CD163L1: variants seen among roughly 807,000 people sequenced by gnomAD.
The protein encoded by CD163L1 is scavenger receptor cysteine-rich type 1 protein M160.
CD163L1 carries 124 observed loss-of-function variants against 165.4 expected under a neutral mutation model. The ratio of observed to expected loss-of-function variants is 0.75; its 90% CI spans 0.65 to 0.87. The LOEUF is 0.87. Among genes scored for constraint, CD163L1 ranks in the 40% least tolerant of loss-of-function variants. The pLI, the probability that CD163L1 is intolerant of heterozygous loss-of-function variation, is 0.00. For synonymous variants in CD163L1, 585 were observed against 662.2 expected, an observed-to-expected ratio of 0.88 and a Z score of 1.79; for missense variants, 1,525 against 1,799.9, an observed-to-expected ratio of 0.85 and a Z score of 2.76.
In CD163L1 at chr12:7,433,519, A is replaced by T. The variant is rs1233374577; in HGVS notation, c.300T>A (p.Phe100Leu). 1 of 1,614,188 alleles carries T rather than the reference A, an allele frequency of 6.2e-7. No homozygotes were observed. Among genetic ancestry groups the T allele is most frequent in the Admixed American group, 1.7e-5 (1 of 60,018 alleles). The change falls in exon 3 of 20, where the codon TTT becomes TTA. Residue 100 changes from phenylalanine (F) to leucine (L), a missense_variant. Transcript: ENST00000313599. Reference sequence around the variant, plus strand: ...TTCCATGTCTAGTCACGGCTTGTCCAAAACGAAACATGGCGAAAGAAAATG... The same window carrying T: ...TTCCATGTCTAGTCACGGCTTGTCCTAAACGAAACATGGCGAAAGAAAATG... Reference protein sequence around the residue: ...GCPFSFAMFRFGQAVTRHGKI... With the variant: ...GCPFSFAMFRLGQAVTRHGKI...
At chr12:7,323,238 T>A in the CD163L1 span, 1 of 1,607,532 alleles carries the variant, frequency 6.2e-7, no homozygotes, top group Non-Finnish European at 8.5e-7. Flanking sequence ...CAATAGGGAA[T>A]GATTTGTGCC....
the CD163L1 span, chr12:7,327,165 C>T: frequency 7.3e-5 from 107 of 1,466,338 alleles, no homozygotes; most frequent in Non-Finnish European, 9.7e-5. Flanking sequence ...TTAGATTTTA[C>T]TGGATTTTGA....
chr12:7,410,845 A>G (rs1469044171), intron 4 of CD163L1, among the ~76,000 whole-genome samples: 1 of 148,322 alleles, frequency 6.7e-6, no homozygotes, highest in African/African-American at 2.4e-5. Context: ...AATAAAAAAT[A>G]AATATAAATA....
intron 4 of CD163L1, among the ~76,000 whole-genome samples, chr12:7,428,547 C>T (rs1948581292): frequency 6.6e-6 from 1 of 152,012 alleles, no homozygotes; most frequent in African/African-American, 2.4e-5. Flanking sequence ...TAGTATTCTC[C>T]CACTGTAAGC....
intron 8 of CD163L1, among the ~76,000 whole-genome samples, chr12:7,380,361 ACG>A (rs1947366222): frequency 1.4e-5 from 2 of 147,802 alleles, no homozygotes; most frequent in African/African-American, 5.1e-5. Flanking sequence ...ATGTGTGTAT[ACG>A]CGTATACATA....
intron 6 of CD163L1, among the ~76,000 whole-genome samples, chr12:7,399,198 CTTCT>C (rs1311177121): frequency 2.0e-5 from 3 of 148,748 alleles, no homozygotes; most frequent in South Asian, 2.2e-4. Flanking sequence ...TTTTCCTTTT[CTTCT>C]TTCTCTTTTT....
At chr12:7,380,379 A>ATGTGTGTATACGCGTATACATACATGGC (rs1947369696) in intron 8 of CD163L1, among the ~76,000 whole-genome samples, 1 of 140,540 alleles carries the variant, frequency 7.1e-6, no homozygotes. Flanking sequence ...ACATACATGT[A>ATGTGTGTATACGCGTATACATACATGGC]TGTGTGTATA....
chr12:7,373,721 T>C (rs1202058953), intron 13 of CD163L1, 81 bp from the exon 14 acceptor site: 3 of 1,211,402 alleles, frequency 2.5e-6, no homozygotes, highest in East Asian at 2.4e-5. Flanking sequence ...ATTTTTCCCA[T>C]GGAAATAATA....
At chr12:7,332,414 AT>A in the CD163L1 span, among the ~76,000 whole-genome samples, 2 of 152,332 alleles carry the variant, frequency 1.3e-5, no homozygotes, top group South Asian at 4.1e-4. Flanking sequence ...CAACATTCAA[AT>A]TCAGGAAATA....
At chr12:7,415,752 A>G (rs938019445) in intron 4 of CD163L1, among the ~76,000 whole-genome samples, 3 of 152,140 alleles carry the variant, frequency 2.0e-5, no homozygotes, top group African/African-American at 7.2e-5. Flanking sequence ...CAAAGGACAT[A>G]AACTCACCCG....
the CD163L1 span, among the ~76,000 whole-genome samples, chr12:7,325,122 A>G: frequency 1.4e-4 from 21 of 152,236 alleles, no homozygotes; most frequent in African/African-American, 4.6e-4. Context: ...TCTCTAACCA[A>G]TGTGGTTCAG....
Position 7,433,394 on chromosome 12 carries a change from T to A in CD163L1, c.425A>T (p.Asp142Val). 2 of 1,596,604 alleles carry A rather than the reference T, an allele frequency of 1.3e-6. No homozygotes were observed. Among genetic ancestry groups the A allele is most frequent in the Non-Finnish European group, 1.7e-6 (2 of 1,171,100 alleles). ...WGSHNCYHGE[D>V]VGVNCYGEAN... ...CTTACCATAACAGTTCACACCAACA[T>A]CTTCTCCATGATAACAGTTATGGCT... Residue 142 changes from aspartate (D) to valine (V), a missense_variant, in exon 3 of 20, where the codon GAT (aspartate) becomes GTT (valine). By Grantham distance (152) the Asp-to-Val change is radical. Coordinates refer to ENST00000313599, the MANE Select transcript of CD163L1 (RefSeq NM_174941.6).
rs112567336 is a variant in CD163L1 at position 7,357,444 on chromosome 12, G to A, written c.4322C>T (p.Ser1441Leu). The A allele has an allele frequency of 5.0e-6, 8 of 1,612,560 alleles. No individual in the cohort carries two copies. The highest frequency in any genetic ancestry group is 1.6e-4 in the Middle Eastern group (1 of 6,068). ...NHGCEDASDT[S>L]LLGVLPASEA... ...AGAGGCAGGAAGAACTCCCAACAGC[G>A]ATGTGTCGCTAGCATCTTCACAACC... Residue 1441 changes from serine to leucine, a missense_variant, in exon 19 of 20, where the codon TCG becomes TTG. Transcript: ENST00000313599.
chr12:7,333,786 C>G, the CD163L1 span, among the ~76,000 whole-genome samples: 12 of 151,200 alleles, frequency 7.9e-5, no homozygotes, highest in African/African-American at 2.7e-4. Flanking sequence ...AAATAGACAC[C>G]ATAAAAAATG....
rs758118003 is a variant in CD163L1, at chr12:7,372,055, AAAG to A, written c.3730+1262_3730+1264del. Among the ~76,000 whole-genome samples, 727 of 152,176 alleles carry A rather than the reference AAAG, an allele frequency of 4.8e-3. 9 individuals carry two copies. The highest frequency in any genetic ancestry group is 0.016 in the African/African-American group (685 of 41,536). ...TTTTGTGATACAATTACAATAGTAA[AAAG>A]AAGCAAAATGCTTAAAAATATGAAC... On this transcript the variant is annotated intron_variant, in intron 14 of 19. Coordinates refer to ENST00000313599, the MANE Select transcript of CD163L1 (RefSeq NM_174941.6). This position sits in a 1 kb window ranked among gnomAD's most constrained non-coding sequence, Gnocchi z 4.2.
At chr12:7,429,585 G>GT (rs1948596994) in intron 4 of CD163L1, among the ~76,000 whole-genome samples, 1 of 151,968 alleles carries the variant, frequency 6.6e-6, no homozygotes, top group Non-Finnish European at 1.5e-5. Flanking sequence ...AGAAATTTGG[G>GT]AAAAATTCTT....
chr12:7,401,253 C>T (rs972623920), intron 6 of CD163L1, among the ~76,000 whole-genome samples: 1 of 152,004 alleles, frequency 6.6e-6, no homozygotes, highest in Non-Finnish European at 1.5e-5. Context: ...ACTAATAGAA[C>T]ACTGCCTGGC....
intron 18 of CD163L1, 136 bp from the exon 19 acceptor site, chr12:7,357,622 C>T (rs776159027): frequency 2.8e-4 from 151 of 538,368 alleles, no homozygotes; most frequent in South Asian, 2.3e-3. Flanking sequence ...ATTAAGAGCA[C>T]GCTTAGTTAT....
At chr12:7,333,602 C>T in the CD163L1 span, among the ~76,000 whole-genome samples, 1 of 152,130 alleles carries the variant, frequency 6.6e-6, no homozygotes, top group Non-Finnish European at 1.5e-5. Flanking sequence ...AGAGCAAACA[C>T]ATTCAAAAGC....
Sources: allele counts gnomAD v4.1 joint callset (sites outside exome capture counted in the v4.1 genomes callset), GRCh38; gene constraint gnomAD v4.1.1; non-coding constraint Gnocchi (gnomAD v3.1); transcripts MANE v1.5; gene names NCBI Gene and HGNC (gene_info 2026-07-23, HGNC 2026-07-21).